SUCO: variants seen among roughly 807,000 people sequenced by gnomAD.
SUCO encodes SUN domain-containing ossification factor.
In SUCO, 57 loss-of-function variants were observed where a neutral mutation model predicts 148.1. The observed-to-expected ratio is 0.38, with a 90% CI of 0.31 to 0.48. SUCO has a LOEUF of 0.48. Ranked by LOEUF, SUCO falls within the 20% of genes least tolerant of loss-of-function variation. The pLI is 0.96. For missense variants in SUCO, 1,331 were observed against 1,468.2 expected (o/e 0.91, Z 1.53); for synonymous variants, 470 against 502.7 (o/e 0.93, Z 0.87).
chr1:172,537,244 A>G (rs1265097594), intron 1 of SUCO, among the ~76,000 whole-genome samples: 1 of 152,212 alleles, frequency 6.6e-6, no homozygotes, highest in Non-Finnish European at 1.5e-5. Context: ...ATATTAGTGT[A>G]TGTAATTAAT....
rs1451724788 is a variant in SUCO, at chr1:172,602,745, C to G, written c.3223C>G (p.Pro1075Ala). The change falls in exon 22 of 24, where the codon CCA becomes GCA. Residue 1075 changes from proline (P) to alanine (A), a missense_variant. By Grantham distance (27) the Pro-to-Ala change is conservative. Around this residue, in one of 3 missense-constraint regions of SUCO, gnomAD observed 334 missense variants for 352.3 expected, o/e 0.95. Coordinates refer to ENST00000263688, the MANE Select transcript of SUCO (RefSeq NM_014283.5). ...DMNLKRRTSF[P>A]LMRSKSLQLT... is the part of the protein sequence containing the mutation. ...GAATTTGAAAAGAAGAACTTCATTCCCACTCATGAGATCCAAGTCTCTACA... is the reference window on the plus strand; with the variant it reads ...GAATTTGAAAAGAAGAACTTCATTCGCACTCATGAGATCCAAGTCTCTACA... 1 of 1,612,772 alleles carries G rather than the reference C, an allele frequency of 6.2e-7. No individual in the cohort carries two copies. Among genetic ancestry groups the G allele is most frequent in the African/African-American group, 1.3e-5 (1 of 74,822 alleles).
chr1:172,586,071 G>T, intron 17 of SUCO, 123 bp downstream of exon 17: 1 of 561,514 alleles, frequency 1.8e-6, no homozygotes, highest in Non-Finnish European at 3.0e-6. Flanking sequence ...CTGAATCATA[G>T]GATAGACATT....
At position 172,603,087 on chromosome 1, in the gene SUCO, A is replaced by C. The variant is rs1657638148; in HGVS notation, c.3265+300A>C. On this transcript the variant is annotated intron_variant, in intron 22 of 23. Transcript: ENST00000263688. ...AGGGATGTTTGAGAAAGTTCAACAG[A>C]TATGGAAAACCTGAATGTGCTCCCA... 3.1e-5 allele frequency: 8 copies of C among 255,158 alleles called. No homozygotes were observed. The South Asian group carries it at 5.5e-4, about 18-fold the overall frequency. 15.8% of individuals were successfully genotyped at this position (255,158 alleles called of 1,614,324 possible). A position where few individuals can be genotyped will look rare whatever the true frequency, so the allele number is the denominator to read the frequency against.
chr1:172,592,556 T>C (rs1453696776), intron 19 of SUCO, among the ~76,000 whole-genome samples: 3 of 152,224 alleles, frequency 2.0e-5, no homozygotes, highest in Non-Finnish European at 4.4e-5. Flanking sequence ...TTTCTTGTTT[T>C]GGTCAGGTTT....
chr1:172,553,486 T>C (rs762828033), intron 3 of SUCO, 116 bp downstream of exon 3: 108 of 563,600 alleles, frequency 1.9e-4, no homozygotes, highest in Non-Finnish European at 2.9e-4. Flanking sequence ...TTTGAGGTAC[T>C]CTGTAACTGG....
chr1:172,607,568 ACTTTTGT>A (rs1258992842), intron 22 of SUCO, among the ~76,000 whole-genome samples: 2 of 151,710 alleles, frequency 1.3e-5, no homozygotes, highest in Admixed American at 1.3e-4. Flanking sequence ...GGCAAAAATG[ACTTTTGT>A]CTTCTACTTG....
At chr1:172,599,101 C>T (rs1461046533) in intron 19 of SUCO, among the ~76,000 whole-genome samples, 7 of 152,172 alleles carry the variant, frequency 4.6e-5, no homozygotes, top group African/African-American at 1.7e-4. Flanking sequence ...TTCCTCCTCC[C>T]TAACTTTATT....
At chr1:172,578,479 C>G in intron 14 of SUCO, 90 bp downstream of exon 14, 1 of 1,427,422 alleles carries the variant, frequency 7.0e-7, no homozygotes, top group Non-Finnish European at 9.3e-7. Flanking sequence ...TTACTTAAAT[C>G]AATATGACTG....
At chr1:172,598,206 C>T (rs528190771) in intron 19 of SUCO, among the ~76,000 whole-genome samples, 7 of 152,238 alleles carry the variant, frequency 4.6e-5, no homozygotes, top group South Asian at 4.2e-4. Context: ...TTGGAATGAG[C>T]GTCCTTTCTC....
At chr1:172,568,984 G>A (rs762011526) in intron 6 of SUCO, 35 bp from the exon 7 acceptor site, 2 of 1,528,702 alleles carry the variant, frequency 1.3e-6, no homozygotes, top group Middle Eastern at 1.7e-4. Context: ...TTATTTGAAA[G>A]TTGAAGTCTT....
chr1:172,588,064 G>A, intron 17 of SUCO: 4 of 983,392 alleles, frequency 4.1e-6, no homozygotes, highest in Non-Finnish European at 4.8e-6. Context: ...TGTTATTAAA[G>A]TGGTTAGGTA....
chr1:172,556,380 A>G (rs1653760289), intron 4 of SUCO, among the ~76,000 whole-genome samples: 1 of 152,220 alleles, frequency 6.6e-6, no homozygotes, highest in African/African-American at 2.4e-5. Context: ...TCCATTAAGT[A>G]TCACTGTCAT....
chr1:172,591,697 G>T (rs1656687149), intron 19 of SUCO, among the ~76,000 whole-genome samples: 1 of 152,046 alleles, frequency 6.6e-6, no homozygotes, highest in East Asian at 1.9e-4. Context: ...CATTTGGGTT[G>T]GTTCCAAGTC....
intron 6 of SUCO, 76 bp from the exon 7 acceptor site, chr1:172,568,943 C>A: frequency 7.7e-7 from 1 of 1,302,028 alleles, no homozygotes; most frequent in Non-Finnish European, 1.0e-6. Context: ...TTGACAGAAA[C>A]ATTTGTATTT....
chr1:172,551,803 A>C (rs922016110), intron 2 of SUCO, 177 bp downstream of exon 2: 1 of 532,630 alleles, frequency 1.9e-6, no homozygotes, highest in East Asian at 3.2e-5. Context: ...AGATATTTAT[A>C]TGTTTATTCT....
At chr1:172,569,168 A>T (rs1217044340) in intron 7 of SUCO, 26 bp downstream of exon 7, 34 of 1,418,356 alleles carry the variant, frequency 2.4e-5, no homozygotes, top group Admixed American at 9.8e-5. Context: ...AGTTCTTTAA[A>T]TTTTTTTTTT....
intron 12 of SUCO, 44 bp downstream of exon 12, chr1:172,577,603 C>T (rs530261406): frequency 7.5e-6 from 12 of 1,599,436 alleles, no homozygotes; most frequent in African/African-American, 4.0e-5. Flanking sequence ...CAGGGCATGG[C>T]GTATTAATGC....
intron 1 of SUCO, among the ~76,000 whole-genome samples, chr1:172,540,042 C>A (rs964270517): frequency 6.6e-6 from 1 of 152,166 alleles, no homozygotes; most frequent in African/African-American, 2.4e-5. Context: ...AAATACTATT[C>A]AGTGTAATAT....
At chr1:172,583,900 ATATC>A (rs778228663) in intron 15 of SUCO, among the ~76,000 whole-genome samples, 9 of 152,240 alleles carry the variant, frequency 5.9e-5, no homozygotes, top group Non-Finnish European at 8.8e-5. Context: ...ATGTATAAAT[ATATC>A]TATGTAGATA....
Sources: allele counts gnomAD v4.1 joint callset (sites outside exome capture counted in the v4.1 genomes callset), GRCh38; gene constraint gnomAD v4.1.1; regional missense constraint gnomAD v4.1.1; transcripts MANE v1.5; gene names NCBI Gene and HGNC (gene_info 2026-07-23, HGNC 2026-07-21).